LRRTM4: variants seen among roughly 807,000 people sequenced by gnomAD.
LRRTM4 encodes leucine-rich repeat transmembrane neuronal protein 4.
LRRTM4 carries 25 observed loss-of-function variants against 47.6 expected under a neutral mutation model. The ratio of observed to expected loss-of-function variants is 0.53; its 90% CI spans 0.38 to 0.73. LRRTM4 has a LOEUF of 0.73. LRRTM4 is among the 30% of genes least tolerant of loss of function. The pLI, the probability that LRRTM4 is intolerant of heterozygous loss-of-function variation, is 0.00. For missense variants in LRRTM4, 638 were observed against 713.4 expected, an observed-to-expected ratio of 0.89 and a Z score of 1.20; for synonymous variants, 311 against 269.5, an observed-to-expected ratio of 1.15 and a Z score of -1.51.
chr2:77,042,484 T>A (rs923810528), intron 3 of LRRTM4, among the ~76,000 whole-genome samples: 1 of 151,676 alleles, frequency 6.6e-6, no homozygotes, highest in Non-Finnish European at 1.5e-5. Context: ...AAACATAGTA[T>A]CTACTTAATA....
At chr2:77,160,117 T>C (rs1672672316) in intron 3 of LRRTM4, among the ~76,000 whole-genome samples, 1 of 152,210 alleles carries the variant, frequency 6.6e-6, no homozygotes, top group African/African-American at 2.4e-5. Flanking sequence ...TTTTTTGCCA[T>C]GTCCACAGTC....
chr2:76,989,906 G>T (rs774510736), intron 3 of LRRTM4: 1 of 151,762 alleles, frequency 6.6e-6, no homozygotes. Context: ...TGATAAAACA[G>T]ATAAAGTACA....
intron 3 of LRRTM4, among the ~76,000 whole-genome samples, chr2:77,008,710 C>G (rs988382794): frequency 1.1e-4 from 17 of 152,112 alleles, no homozygotes; most frequent in African/African-American, 4.1e-4. Context: ...TGTACATCAA[C>G]TCAGCGAATT....
intron 3 of LRRTM4, among the ~76,000 whole-genome samples, chr2:77,156,990 C>T (rs759329724): frequency 1.3e-5 from 2 of 151,598 alleles, no homozygotes; most frequent in African/African-American, 2.4e-5. Flanking sequence ...ATTCAACTAA[C>T]CTTTAATATT....
chr2:77,004,013 G>T (rs1677536890), intron 3 of LRRTM4, among the ~76,000 whole-genome samples: 1 of 152,128 alleles, frequency 6.6e-6, no homozygotes, highest in Admixed American at 6.6e-5. Context: ...AAAGATCTGT[G>T]GAACTTTGAA....
chr2:76,784,620 A>T (rs1055322723), intron 3 of LRRTM4, among the ~76,000 whole-genome samples: 2 of 152,082 alleles, frequency 1.3e-5, no homozygotes, highest in Non-Finnish European at 2.9e-5. Flanking sequence ...TGTATTTACT[A>T]TGGGGCACCA....
intron 3 of LRRTM4, among the ~76,000 whole-genome samples, chr2:77,183,975 T>C (rs902517325): frequency 1.3e-5 from 2 of 152,078 alleles, no homozygotes; most frequent in African/African-American, 4.8e-5. Flanking sequence ...GAGATATACC[T>C]AATGCTAAAT....
At chr2:76,885,802 A>G (rs112536852) in intron 3 of LRRTM4, among the ~76,000 whole-genome samples, 7 of 152,244 alleles carry the variant, frequency 4.6e-5, no homozygotes, top group Non-Finnish European at 7.4e-5. Context: ...AAGAATTGTC[A>G]CCAGCCTGTG....
intron 3 of LRRTM4, among the ~76,000 whole-genome samples, chr2:76,860,469 T>C (rs1672280589): frequency 6.6e-6 from 1 of 152,132 alleles, no homozygotes; most frequent in South Asian, 2.1e-4. Flanking sequence ...ATATCCTTCG[T>C]GGCTAGCTGT....
chr2:77,250,843 C>T (rs759433014), intron 3 of LRRTM4, among the ~76,000 whole-genome samples: 28 of 152,084 alleles, frequency 1.8e-4, no homozygotes, highest in Non-Finnish European at 3.7e-4. Flanking sequence ...ATGGCTCACG[C>T]CTGTAATCCC....
chr2:76,762,719 G>A (rs772357657), intron 3 of LRRTM4, among the ~76,000 whole-genome samples: 14 of 152,130 alleles, frequency 9.2e-5, no homozygotes, highest in Non-Finnish European at 1.9e-4. Context: ...TAGCACTTTG[G>A]AAGGCCTAGG....
chr2:76,822,613 C>T (rs1439208819), intron 3 of LRRTM4, among the ~76,000 whole-genome samples: 2 of 151,278 alleles, frequency 1.3e-5, no homozygotes, highest in African/African-American at 4.8e-5. Context: ...CTCTGAGGAA[C>T]AAAAAATAAA....
intron 3 of LRRTM4, among the ~76,000 whole-genome samples, chr2:76,978,734 G>A (rs1329220854): frequency 2.0e-5 from 3 of 152,026 alleles, no homozygotes; most frequent in Non-Finnish European, 4.4e-5. Context: ...TATTCTCAAG[G>A]AGATGGCTTG....
intron 3 of LRRTM4, among the ~76,000 whole-genome samples, chr2:76,872,883 C>T (rs1361139178): frequency 6.6e-6 from 1 of 152,022 alleles, no homozygotes; most frequent in Admixed American, 6.6e-5. Context: ...CAGTCTGGAA[C>T]CTTCCCACTC....
intron 3 of LRRTM4, among the ~76,000 whole-genome samples, chr2:76,824,038 C>T (rs1258235941): frequency 6.6e-6 from 1 of 151,532 alleles, no homozygotes; most frequent in Non-Finnish European, 1.5e-5. Context: ...ACAGGACATC[C>T]ACCTGGGTAA....
chr2:77,440,595 G>C (rs1332542489), intron 3 of LRRTM4, among the ~76,000 whole-genome samples: 1 of 152,150 alleles, frequency 6.6e-6, no homozygotes, highest in Non-Finnish European at 1.5e-5. Context: ...TGAAAACTCA[G>C]TAGCTTCTGA....
At chr2:77,052,268 A>C (rs1192549208) in intron 3 of LRRTM4, among the ~76,000 whole-genome samples, 1 of 146,938 alleles carries the variant, frequency 6.8e-6, no homozygotes, top group Non-Finnish European at 1.5e-5. Context: ...TCCCAGATTC[A>C]AGCAATTCTC....
chr2:77,274,569 A>G (rs768862613), intron 3 of LRRTM4, among the ~76,000 whole-genome samples: 11 of 152,296 alleles, frequency 7.2e-5, no homozygotes, highest in Non-Finnish European at 1.5e-4. Flanking sequence ...CAGTAATTTC[A>G]AAGTGACATT....
chr2:76,842,316 C>G (rs1671707459), intron 3 of LRRTM4, among the ~76,000 whole-genome samples: 1 of 152,140 alleles, frequency 6.6e-6, no homozygotes, highest in South Asian at 2.1e-4. Context: ...GCTTTCCTGA[C>G]TTCAGTTGGC....
Sources: allele counts gnomAD v4.1 joint callset (sites outside exome capture counted in the v4.1 genomes callset), GRCh38; gene constraint gnomAD v4.1.1; transcripts MANE v1.5; gene names NCBI Gene and HGNC (gene_info 2026-07-23, HGNC 2026-07-21).